OR9Q1: variants seen among roughly 807,000 people sequenced by gnomAD.
The protein encoded by OR9Q1 is olfactory receptor 9Q1.
For missense variants in OR9Q1, 374 were observed against 378.8 expected (o/e 0.99, Z 0.11); for synonymous variants, 153 against 148.6 (o/e 1.03, Z -0.22).
At chr11:58,043,124 G>C (rs1853182392) in intron 1 of OR9Q1, among the ~76,000 whole-genome samples, 1 of 151,968 alleles carries the variant, frequency 6.6e-6, no homozygotes, top group African/African-American at 2.4e-5. Flanking sequence ...CCTTGATTTG[G>C]ATATATTTGT....
At chr11:58,149,246 G>A (rs1854327772) in intron 2 of OR9Q1, among the ~76,000 whole-genome samples, 1 of 152,156 alleles carries the variant, frequency 6.6e-6, no homozygotes, top group Admixed American at 6.5e-5. Context: ...TATAGACAGA[G>A]CCTAAAATAT....
intron 1 of OR9Q1, among the ~76,000 whole-genome samples, chr11:58,034,210 C>T (rs1194684428): frequency 6.6e-6 from 1 of 151,044 alleles, no homozygotes; most frequent in African/African-American, 2.4e-5. Flanking sequence ...TTCAGTCTCC[C>T]GAGTAGCTAG....
chr11:58,173,473 T>G (rs936178033), intron 2 of OR9Q1, among the ~76,000 whole-genome samples: 17 of 151,732 alleles, frequency 1.1e-4, no homozygotes, highest in Non-Finnish European at 2.1e-4. Context: ...AACTCATCAT[T>G]TTTTATGGCT....
intron 2 of OR9Q1, among the ~76,000 whole-genome samples, chr11:58,062,539 C>T (rs759199427): frequency 6.6e-6 from 1 of 152,126 alleles, no homozygotes; most frequent in Non-Finnish European, 1.5e-5. Flanking sequence ...GTCACACACT[C>T]CTAGGTCTAG....
At chr11:58,157,558 G>GAGGAAGGA (rs145084132) in intron 2 of OR9Q1, among the ~76,000 whole-genome samples, 1 of 152,044 alleles carries the variant, frequency 6.6e-6, no homozygotes, top group African/African-American at 2.4e-5. Flanking sequence ...GGAAAAGACA[G>GAGGAAGGA]AGGAAGGAAG....
At chr11:58,122,771 C>A (rs1465262184) in intron 2 of OR9Q1, among the ~76,000 whole-genome samples, 2 of 152,078 alleles carry the variant, frequency 1.3e-5, no homozygotes, top group Non-Finnish European at 2.9e-5. Context: ...CTTAAGTGTG[C>A]ACTCCAGTGT....
chr11:58,173,031 G>T (rs946208926), intron 2 of OR9Q1, among the ~76,000 whole-genome samples: 2 of 151,994 alleles, frequency 1.3e-5, no homozygotes, highest in Non-Finnish European at 2.9e-5. Context: ...AAAAATTACT[G>T]GTTGGAAGGG....
intron 2 of OR9Q1, chr11:58,144,733 T>C (rs1341071343): frequency 6.6e-6 from 1 of 152,454 alleles, no homozygotes; most frequent in Non-Finnish European, 1.5e-5. Flanking sequence ...TGCTTGAGAC[T>C]TTGGGACTGA....
intron 2 of OR9Q1, among the ~76,000 whole-genome samples, chr11:58,136,167 G>C (rs1397079195): frequency 6.6e-6 from 1 of 152,100 alleles, no homozygotes; most frequent in South Asian, 2.1e-4. Flanking sequence ...AACTAATGTG[G>C]GGGAAAGATA....
chr11:58,074,612 A>G (rs1853521732), intron 2 of OR9Q1, among the ~76,000 whole-genome samples: 1 of 152,126 alleles, frequency 6.6e-6, no homozygotes, highest in African/African-American at 2.4e-5. Flanking sequence ...TAGTTTAATT[A>G]GGTCCCATTT....
chr11:58,143,579 C>T (rs1437159055), intron 2 of OR9Q1, among the ~76,000 whole-genome samples: 1 of 152,104 alleles, frequency 6.6e-6, no homozygotes, highest in Non-Finnish European at 1.5e-5. Context: ...ATAGGATTAA[C>T]AATATGTGTT....
At chr11:58,123,302 T>A (rs1854054472) in intron 2 of OR9Q1, among the ~76,000 whole-genome samples, 1 of 152,198 alleles carries the variant, frequency 6.6e-6, no homozygotes, top group South Asian at 2.1e-4. Context: ...AATCAGAGCT[T>A]TTTTACCTTC....
intron 2 of OR9Q1, among the ~76,000 whole-genome samples, chr11:58,177,972 G>A (rs1443083166): frequency 6.6e-6 from 1 of 152,202 alleles, no homozygotes; most frequent in Non-Finnish European, 1.5e-5. Context: ...CAAAAGAGGT[G>A]TTCTAGGCAG....
intron 2 of OR9Q1, among the ~76,000 whole-genome samples, chr11:58,087,441 A>T (rs961403271): frequency 2.0e-5 from 3 of 151,904 alleles, no homozygotes; most frequent in African/African-American, 7.3e-5. Context: ...CATTCAGATG[A>T]TTGTAGTAAA....
At chr11:58,142,954 GAGAGGA>G (rs1295833865) in intron 2 of OR9Q1, among the ~76,000 whole-genome samples, 1 of 152,190 alleles carries the variant, frequency 6.6e-6, no homozygotes, top group Non-Finnish European at 1.5e-5. Flanking sequence ...GGCAGGAACA[GAGAGGA>G]AGAGGCGACT....
chr11:58,155,917 TCC>T (rs1491423147), intron 2 of OR9Q1, among the ~76,000 whole-genome samples: 6 of 82,674 alleles, frequency 7.3e-5, no homozygotes, highest in Admixed American at 4.6e-4. Context: ...TTCTTTTCCT[TCC>T]TTTTTTTTTT....
chr11:58,179,934 T>G lies in OR9Q1; in HGVS notation c.490T>G (p.Phe164Val). Residue 164 changes from phenylalanine (F) to valine (V), a missense_variant, in exon 3 of 3, where the codon TTC becomes GTC. Phe to Val is a conservative substitution (Grantham distance 50). Coordinates refer to ENST00000335397, the MANE Select transcript of OR9Q1 (RefSeq NM_001005212.4). Reference sequence around the variant, plus strand: ...TGCCTTGGTGCGGACAGTCTCAGCCTTCACTCTCTCCTTCTGTGGAACCAG... The same window carrying G: ...TGCCTTGGTGCGGACAGTCTCAGCCGTCACTCTCTCCTTCTGTGGAACCAG... ...ISALVRTVSA[F>V]TLSFCGTSEI... The G allele has an allele frequency of 6.2e-7, 1 of 1,614,184 alleles. No individual in the cohort carries two copies. Among genetic ancestry groups the G allele is most frequent in the East Asian group, 2.2e-5 (1 of 44,862 alleles).
intron 1 of OR9Q1, among the ~76,000 whole-genome samples, chr11:58,048,167 G>A (rs1454540556): frequency 6.6e-6 from 1 of 152,090 alleles, no homozygotes; most frequent in East Asian, 1.9e-4. Context: ...GAATTACTTA[G>A]CATCCTTCTT....
chr11:58,042,937 G>T (rs891349484), intron 1 of OR9Q1, among the ~76,000 whole-genome samples: 1 of 152,036 alleles, frequency 6.6e-6, no homozygotes, highest in Non-Finnish European at 1.5e-5. Flanking sequence ...TCATGATTTG[G>T]CTCTCTGTTT....
Sources: allele counts gnomAD v4.1 joint callset (sites outside exome capture counted in the v4.1 genomes callset), GRCh38; gene constraint gnomAD v4.1.1; transcripts MANE v1.5; gene names NCBI Gene and HGNC (gene_info 2026-07-23, HGNC 2026-07-21).